The following NEGR1 variants were observed in gnomAD, a reference collection of about 807,000 sequenced individuals.
NEGR1 encodes IgLON family member 4.
Under a neutral mutation model 40.9 loss-of-function variants are expected in NEGR1, and 10 were observed. The ratio of observed to expected loss-of-function variants is 0.24; its 90% CI spans 0.15 to 0.42. The LOEUF (loss-of-function observed/expected upper bound fraction) is 0.42, where lower values mean the gene tolerates loss of function less well. Ranked by LOEUF, NEGR1 falls within the 10% of genes least tolerant of loss-of-function variation. NEGR1 has a pLI of 1.00. For missense variants in NEGR1, 352 were observed against 438.9 expected (o/e 0.80, Z 1.77); for synonymous variants, 185 against 166.8 (o/e 1.11, Z -0.84).
intron 2 of NEGR1, among the ~76,000 whole-genome samples, chr1:71,831,700 T>C (rs747379030): frequency 3.3e-5 from 5 of 151,840 alleles, no homozygotes; most frequent in Non-Finnish European, 5.9e-5. Context: ...GATGTGAATA[T>C]TGGCTAGAGG....
At chr1:72,060,162 C>T (rs1308404494) in intron 1 of NEGR1, among the ~76,000 whole-genome samples, 1 of 151,610 alleles carries the variant, frequency 6.6e-6, no homozygotes, top group Non-Finnish European at 1.5e-5. Context: ...AATAGCATTT[C>T]CAAAATAACT....
intron 1 of NEGR1, among the ~76,000 whole-genome samples, chr1:71,991,771 A>T (rs373637444): frequency 1.6e-4 from 24 of 152,160 alleles, no homozygotes; most frequent in African/African-American, 5.5e-4. Context: ...AAATGAATGA[A>T]TGAGTATAGT....
intron 3 of NEGR1, among the ~76,000 whole-genome samples, chr1:71,743,768 A>C (rs891447572): frequency 6.6e-6 from 1 of 152,156 alleles, no homozygotes; most frequent in African/African-American, 2.4e-5. Flanking sequence ...TCTGCCCTGA[A>C]ATTGTGTAGC....
At chr1:71,983,610 C>T (rs899719199) in intron 1 of NEGR1, among the ~76,000 whole-genome samples, 2 of 152,088 alleles carry the variant, frequency 1.3e-5, no homozygotes, top group African/African-American at 4.8e-5. Flanking sequence ...GCACTTCAGC[C>T]CTTTTCAACT....
At chr1:72,197,974 C>T (rs1653059654) in intron 1 of NEGR1, among the ~76,000 whole-genome samples, 1 of 139,654 alleles carries the variant, frequency 7.2e-6, no homozygotes, top group South Asian at 2.1e-4. Context: ...TATTGCACAA[C>T]TCTGTCAGTT....
chr1:71,589,535 T>C (rs899227708), intron 6 of NEGR1, among the ~76,000 whole-genome samples: 2 of 152,118 alleles, frequency 1.3e-5, no homozygotes, highest in African/African-American at 2.4e-5. Context: ...TTTTTTCTTT[T>C]AATTTCTACC....
intron 1 of NEGR1, among the ~76,000 whole-genome samples, chr1:71,955,267 G>A (rs1404663981): frequency 6.6e-6 from 1 of 152,120 alleles, no homozygotes; most frequent in Non-Finnish European, 1.5e-5. Context: ...ACAATCTAAT[G>A]TGGCCTACCA....
intron 2 of NEGR1, among the ~76,000 whole-genome samples, chr1:71,879,835 A>G (rs1660534140): frequency 6.6e-6 from 1 of 152,140 alleles, no homozygotes. Flanking sequence ...AGATCTATTT[A>G]CAAAGTGTAA....
intron 4 of NEGR1, among the ~76,000 whole-genome samples, chr1:71,682,505 C>A (rs114195650): frequency 3.9e-5 from 6 of 152,042 alleles, no homozygotes; most frequent in African/African-American, 1.4e-4. Flanking sequence ...ATTTTTGAGG[C>A]CTAGGTTGAA....
intron 3 of NEGR1, among the ~76,000 whole-genome samples, chr1:71,764,898 C>T (rs1656068465): frequency 6.6e-6 from 1 of 152,130 alleles, no homozygotes. Context: ...TTCTACACAA[C>T]AACAAACCAT....
At chr1:72,144,144 T>C (rs1650815677) in intron 1 of NEGR1, among the ~76,000 whole-genome samples, 1 of 151,048 alleles carries the variant, frequency 6.6e-6, no homozygotes, top group Admixed American at 6.7e-5. Flanking sequence ...ATATCACCAA[T>C]TTTGAGTAGA....
intron 1 of NEGR1, among the ~76,000 whole-genome samples, chr1:71,960,717 A>G (rs1041454002): frequency 6.6e-5 from 10 of 152,138 alleles, no homozygotes; most frequent in African/African-American, 2.4e-4. Flanking sequence ...AGGGCAAAAC[A>G]TTTGTTCCGT....
chr1:71,430,972 C>G (rs1455625375), intron 6 of NEGR1, among the ~76,000 whole-genome samples: 1 of 151,980 alleles, frequency 6.6e-6, no homozygotes, highest in African/African-American at 2.4e-5. Flanking sequence ...TGGTCTCGAT[C>G]TCCTGACCTC....
intron 1 of NEGR1, among the ~76,000 whole-genome samples, chr1:72,121,585 C>G (rs936678877): frequency 1.3e-5 from 2 of 151,664 alleles, no homozygotes; most frequent in African/African-American, 4.8e-5. Flanking sequence ...TAGAATAGAC[C>G]CTCTTTTACC....
At chr1:72,128,044 T>C (rs1650098914) in intron 1 of NEGR1, among the ~76,000 whole-genome samples, 1 of 152,116 alleles carries the variant, frequency 6.6e-6, no homozygotes, top group South Asian at 2.1e-4. Flanking sequence ...AAAATAATGA[T>C]CTTACACACT....
chr1:72,213,335 T>G (rs766610623), intron 1 of NEGR1, among the ~76,000 whole-genome samples: 1 of 151,898 alleles, frequency 6.6e-6, no homozygotes, highest in African/African-American at 2.4e-5. Context: ...AGTCTTTCCA[T>G]ATGCTTAGAA....
intron 1 of NEGR1, among the ~76,000 whole-genome samples, chr1:72,042,613 A>G (rs1486090): frequency 0.25 from 38,285 of 151,882 alleles, 6,896 homozygotes; most frequent in African/African-American, 0.51. Context: ...TGGAAAGTTC[A>G]GAAACCACAT....
At chr1:72,130,488 C>T (rs894143716) in intron 1 of NEGR1, among the ~76,000 whole-genome samples, 4 of 152,142 alleles carry the variant, frequency 2.6e-5, no homozygotes, top group African/African-American at 7.2e-5. Context: ...TGTATGATGT[C>T]AAGTTTCCCT....
chr1:71,447,761 G>A (rs547055166), intron 6 of NEGR1, among the ~76,000 whole-genome samples: 12 of 152,240 alleles, frequency 7.9e-5, no homozygotes, highest in Middle Eastern at 3.4e-3. Context: ...TTTCTTCATC[G>A]TCGTGTTCAC....
Sources: gnomAD v4.1 joint callset for allele counts (sites outside exome capture counted in the v4.1 genomes callset) on GRCh38, gnomAD v4.1.1 for gene constraint, MANE v1.5 for transcripts, NCBI Gene and HGNC (gene_info 2026-07-23, HGNC 2026-07-21) for gene names.